Variants in MYBPC2 observed in about 807,000 individuals in gnomAD.
MYBPC2 encodes the protein myosin-binding protein C, fast-type.
MYBPC2 carries 122 observed loss-of-function variants against 137.0 expected under a neutral mutation model. That is an observed-to-expected ratio of 0.89 (90% CI 0.77 to 1.03). The LOEUF is 1.03. Ranked by LOEUF, MYBPC2 falls within the 50% of genes least tolerant of loss-of-function variation. MYBPC2 has a pLI of 0.00. For synonymous variants in MYBPC2, 626 were observed against 612.3 expected (o/e 1.02, Z -0.33); for missense variants, 1,500 against 1,534.4 (o/e 0.98, Z 0.37).
intron 18 of MYBPC2, 49 bp downstream of exon 18, chr19:50,454,418 C>CTATTTT: frequency 5.0e-6 from 4 of 795,912 alleles, no homozygotes; most frequent in Non-Finnish European, 7.4e-6. Flanking sequence ...TTTCTGCCTT[C>CTATTTT]TGTTTTTTTT....
At position 50,458,115 on chromosome 19, in the gene MYBPC2, T is replaced by C. The variant is rs185380593; in HGVS notation, c.2339-472T>C. On this transcript the variant is annotated intron_variant, in intron 20 of 27. Transcript: ENST00000357701. Reference sequence around the variant, plus strand: ...TCACGAGGTCAGGAGTTCAAGAGCATCCTGGCCAACATGGTGAAACCCCAT... The same window carrying C: ...TCACGAGGTCAGGAGTTCAAGAGCACCCTGGCCAACATGGTGAAACCCCAT... Among the ~76,000 whole-genome samples the C allele has an allele frequency of 7.3e-3, 1,105 of 151,036 alleles. 7 individuals carry two copies. The highest frequency in any genetic ancestry group is 0.011 in the Non-Finnish European group (762 of 67,714).
intron 16 of MYBPC2, 90 bp from the exon 17 acceptor site, chr19:50,453,930 G>C (rs2039883008): frequency 7.1e-7 from 1 of 1,398,994 alleles, no homozygotes; most frequent in Admixed American, 2.3e-5. Context: ...GGGAATCATG[G>C]GAGGATTCTG....
intron 16 of MYBPC2, 69 bp from the exon 17 acceptor site, chr19:50,453,951 T>C (rs1166771034): frequency 1.3e-6 from 2 of 1,493,650 alleles, no homozygotes; most frequent in Non-Finnish European, 1.8e-6. Flanking sequence ...AGCAGGGGAA[T>C]GGCAGAGGCA....
Position 50,435,229 on chromosome 19 carries a change from G to A in MYBPC2, c.88G>A (p.Ala30Thr). The change falls in exon 2 of 28, where the codon GCT becomes ACT. Residue 30 changes from alanine (A) to threonine (T), a missense_variant. Physicochemically the swap from Ala to Thr is moderately conservative, Grantham distance 58. Transcript: ENST00000357701. This position sits in a 1 kb window ranked among gnomAD's most constrained non-coding sequence, Gnocchi z 4.8. ...CCCCAAGGAGGCTCCCCCTAAGGAG[G>A]CTCCTGCAGAGGCCCCCAAAGGTGA... ...GAPKEAPPKE[A>T]PAEAPKEAPP... is the part of the protein sequence containing the mutation. The A allele has an allele frequency of 1.6e-6, 2 of 1,276,374 alleles. No individual in the cohort carries two copies. The highest frequency in any genetic ancestry group is 2.3e-6 in the Non-Finnish European group (2 of 882,420). The allele number at this position is 1,276,374 out of a possible 1,614,324, so 79.1% of individuals were successfully genotyped here.
chr19:50,451,736 G>A, intron 15 of MYBPC2, 128 bp from the exon 16 acceptor site: 2 of 1,365,142 alleles, frequency 1.5e-6, no homozygotes. Flanking sequence ...GAGGGAGGAG[G>A]GCTTCAGGAC....
At chr19:50,446,185 C>G in intron 12 of MYBPC2, 133 bp downstream of exon 12, 1 of 1,114,950 alleles carries the variant, frequency 9.0e-7, no homozygotes, top group Non-Finnish European at 1.2e-6. Context: ...TTCAGCCCAC[C>G]AGGGAGATCT....
intron 22 of MYBPC2, 34 bp from the exon 23 acceptor site, chr19:50,459,077 G>A (rs1476318646): frequency 1.9e-6 from 3 of 1,554,760 alleles, no homozygotes; most frequent in Admixed American, 1.9e-5. Context: ...GTGGAGCCCC[G>A]CTGACCCCAC....
In MYBPC2 at chr19:50,458,616, C is replaced by T. The variant is rs760990970; in HGVS notation, c.2368C>T (p.Pro790Ser). Residue 790 changes from proline to serine, a missense_variant, in exon 21 of 28, where the codon CCC becomes TCC. Coordinates refer to ENST00000357701, the MANE Select transcript of MYBPC2 (RefSeq NM_004533.4). ...SEEWVPANTE[P>S]VERCGFTVKN... is the part of the protein sequence containing the mutation. ...GGAATGGGTCCCTGCCAACACCGAG[C>T]CCGTGGAGCGCTGTGGCTTCACCGT... 1 of 1,612,682 alleles carries T rather than the reference C, an allele frequency of 6.2e-7. No homozygotes were observed. Among genetic ancestry groups the T allele is most frequent in the Non-Finnish European group, 8.5e-7 (1 of 1,179,886 alleles).
chr19:50,461,521 C>T (rs1403943830), intron 24 of MYBPC2, 21 bp from the exon 25 acceptor site: 1 of 1,609,710 alleles, frequency 6.2e-7, no homozygotes, highest in Non-Finnish European at 8.5e-7. Context: ...CCCGCCTGGT[C>T]CCTCCCTGTC....
chr19:50,442,255 G>C lies in MYBPC2; in HGVS notation c.844G>C (p.Asp282His). The change falls in exon 9 of 28, where the codon GAC (aspartate) becomes CAC (histidine). Residue 282 changes from aspartate to histidine, a missense_variant. Physicochemically the swap from Asp to His is moderately conservative, Grantham distance 81. Transcript: ENST00000357701. ...GATCAAGTTGATGGTAGAGATCAGC[G>C]ACCCAGACCTGACCCTCAAGTGGTT... Reference protein sequence around the residue: ...NKIKLMVEISDPDLTLKWFKN... With the variant: ...NKIKLMVEISHPDLTLKWFKN... 1.2e-6 allele frequency: 2 copies of C among 1,605,842 alleles called. No homozygotes were observed. Among genetic ancestry groups the C allele is most frequent in the Non-Finnish European group, 1.7e-6 (2 of 1,176,310 alleles).
intron 26 of MYBPC2, among the ~76,000 whole-genome samples, chr19:50,462,306 C>G (rs1384041202): frequency 6.6e-6 from 1 of 151,788 alleles, no homozygotes; most frequent in African/African-American, 2.4e-5. Flanking sequence ...CCTACCTCAT[C>G]CTCCCGAGTA....
At chr19:50,462,084 A>G in intron 26 of MYBPC2, 48 bp downstream of exon 26, 4 of 1,538,068 alleles carry the variant, frequency 2.6e-6, no homozygotes, top group Non-Finnish European at 3.5e-6. Flanking sequence ...CTTGTGGGGA[A>G]TCTTCCATAC....
intron 6 of MYBPC2, 26 bp downstream of exon 6, chr19:50,437,547 G>A: frequency 6.2e-7 from 1 of 1,606,030 alleles, no homozygotes; most frequent in African/African-American, 1.3e-5. Context: ...CCCTTACCAG[G>A]GTCCCAAGGA....
intron 18 of MYBPC2, 45 bp from the exon 19 acceptor site, chr19:50,455,063 C>T: frequency 6.5e-7 from 1 of 1,545,562 alleles, no homozygotes; most frequent in Non-Finnish European, 8.8e-7. Flanking sequence ...ACTCATGCCC[C>T]ATGCCCTCCC....
intron 4 of MYBPC2, 101 bp downstream of exon 4, chr19:50,436,261 G>A: frequency 6.8e-7 from 1 of 1,473,424 alleles, no homozygotes; most frequent in Non-Finnish European, 9.1e-7. Context: ...TGTGGGCCTG[G>A]AGCCGGGATG....
In MYBPC2 at chr19:50,441,074, C is replaced by T; in HGVS notation, c.767C>T (p.Ala256Val). ...KKAKVEVKKS[A>V]AFTKKLDPAY... Reference sequence around the variant, plus strand: ...GCTAAGGTCGAGGTCAAGAAGAGTGCAGGTCAGCCCTGGTCTGGGGGGAGC... The same window carrying T: ...GCTAAGGTCGAGGTCAAGAAGAGTGTAGGTCAGCCCTGGTCTGGGGGGAGC... Residue 256 changes from alanine to valine, a missense_variant and splice_region_variant, in exon 8 of 28, where the codon GCA becomes GTA. Transcript: ENST00000357701. 2 of 1,586,632 alleles carry T rather than the reference C, an allele frequency of 1.3e-6. No homozygotes were observed. Among genetic ancestry groups the T allele is most frequent in the Non-Finnish European group, 8.6e-7 (1 of 1,166,956 alleles).
In MYBPC2 at chr19:50,466,144, A is replaced by G; in HGVS notation, c.3416-51A>G. 6.2e-7 allele frequency: 1 copy of G among 1,612,320 alleles called. No individual in the cohort carries two copies. Among genetic ancestry groups the G allele is most frequent in the African/African-American group, 1.3e-5 (1 of 74,982 alleles). On this transcript the variant is annotated intron_variant, in intron 27 of 27. Transcript: ENST00000357701. This position sits in a 1 kb window ranked among gnomAD's most constrained non-coding sequence, Gnocchi z 4.9. ...ATGCAGCTCCTCCTCCTGGGGCTTC[A>G]GGAGGAGGCGTGCCCGGGCCTGGCT...
At chr19:50,441,840 AAAAAAATAAAATAAAAT>A (rs1291222759) in intron 8 of MYBPC2, among the ~76,000 whole-genome samples, 12 of 150,594 alleles carry the variant, frequency 8.0e-5, no homozygotes, top group East Asian at 1.9e-4. Context: ...ACTCTGTCTC[AAAAAAATAAAATAAAAT>A]AAAAAATAAA....
chr19:50,465,053 C>G lies in MYBPC2; in HGVS notation c.3415+521C>G, dbSNP rs987860462. Among the ~76,000 whole-genome samples, 3 of 152,094 alleles carry G rather than the reference C, an allele frequency of 2.0e-5. No homozygotes were observed. The highest frequency in any genetic ancestry group is 2.9e-5 in the Non-Finnish European group (2 of 67,996). ...TCCTCCCATATTCCATTTCCAGCCG[C>G]CTCCGTCTCCAGTCTCTCCCTCCTG... On this transcript the variant is annotated intron_variant, in intron 27 of 27. Coordinates refer to ENST00000357701, the MANE Select transcript of MYBPC2 (RefSeq NM_004533.4). This position sits in a 1 kb window ranked among gnomAD's most constrained non-coding sequence, Gnocchi z 4.5.
Sources: gnomAD v4.1 joint callset for allele counts (sites outside exome capture counted in the v4.1 genomes callset) on GRCh38, gnomAD v4.1.1 for gene constraint, Gnocchi (gnomAD v3.1) non-coding constraint, MANE v1.5 for transcripts, NCBI Gene and HGNC (gene_info 2026-07-23, HGNC 2026-07-21) for gene names.